GCFC2: variants seen among roughly 807,000 people sequenced by gnomAD.
The protein encoded by GCFC2 is GC-rich sequence DNA-binding factor 2.
GCFC2 carries 102 observed loss-of-function variants against 99.4 expected under a neutral mutation model. The observed-to-expected ratio is 1.03, with a 90% confidence interval of 0.87 to 1.21. GCFC2 has a LOEUF of 1.21. GCFC2 is among the 50% of genes most tolerant of loss of function. The probability of loss-of-function intolerance (pLI) is 0.00; values close to 1 mark genes in which losing one functional copy is unlikely to be tolerated. For missense variants in GCFC2, 973 were observed against 920.9 expected (o/e 1.06, Z -0.73); for synonymous variants, 338 against 316.8 (o/e 1.07, Z -0.71).
intron 11 of GCFC2, among the ~76,000 whole-genome samples, chr2:75,681,405 C>T (rs1679570326): frequency 6.7e-6 from 1 of 149,742 alleles, no homozygotes; most frequent in South Asian, 2.1e-4. Flanking sequence ...AGCCCAGATA[C>T]TGTGTTTTTC....
chr2:75,690,376 TAATTAGG>T (rs1256900112), intron 8 of GCFC2: 1 of 503,476 alleles, frequency 2.0e-6, no homozygotes, highest in Non-Finnish European at 3.5e-6. Context: ...GGGGTAATTA[TAATTAGG>T]ACCGGTTTCT....
chr2:75,687,945 C>G lies in GCFC2; in HGVS notation c.1572G>C (p.Trp524Cys). The change falls in exon 11 of 17, where the codon TGG (tryptophan) becomes TGC (cysteine). Residue 524 changes from tryptophan (W) to cysteine (C), a missense_variant. Trp to Cys is a radical substitution (Grantham distance 215, BLOSUM62 -2). Coordinates refer to ENST00000321027, the MANE Select transcript of GCFC2 (RefSeq NM_003203.5). ...LESTGLKEMP[W>C]FKSVEEFMDS... ...CCATAAATTCTTCTACAGATTTGAA[C>G]CATGGCATCTCTTTTAAACCTGTGG... The G allele has an allele frequency of 1.9e-6, 3 of 1,599,082 alleles. No individual in the cohort carries two copies. The highest frequency in any genetic ancestry group is 2.6e-6 in the Non-Finnish European group (3 of 1,171,818).
At position 75,710,723 on chromosome 2, in the gene GCFC2, G is replaced by T; in HGVS notation, c.133C>A (p.Pro45Thr). 2 of 1,553,634 alleles carry T rather than the reference G, an allele frequency of 1.3e-6. No individual in the cohort carries two copies. Among genetic ancestry groups the T allele is most frequent in the Non-Finnish European group, 8.7e-7 (1 of 1,154,408 alleles). The change falls in exon 1 of 17, where the codon CCG becomes ACG. Residue 45 changes from proline to threonine, a missense_variant. Pro to Thr is a conservative substitution (Grantham distance 38). Coordinates refer to ENST00000321027, the MANE Select transcript of GCFC2 (RefSeq NM_003203.5). ...LPVPGSAEEE[P>T]PSGGGRAQVA... The stretch of plus-strand genomic sequence containing the variant: ...TGCGCGCGGCCTCCTCCAGAGGGCG[G>T]CTCTTCCTCCGCAGAACCCGGGACC...
At position 75,710,790 on chromosome 2, in the gene GCFC2, G is replaced by A. The variant is rs776634695; in HGVS notation, c.66C>T (p.Ala22=). The A allele has an allele frequency of 1.0e-4, 160 of 1,576,874 alleles. No individual in the cohort carries two copies. Among genetic ancestry groups the A allele is most frequent in the Non-Finnish European group, 1.3e-4 (150 of 1,167,312 alleles). The change falls in exon 1 of 17, where the codon GCC becomes GCT. Residue 22 remains alanine, a synonymous_variant. Transcript: ENST00000321027. ...CCCCAGGCTCAGCAGGCGACTCCTC[G>A]GCGCCATCGCTGTCGCTGGAATCAG... ...RAADSSDSDG[A]EESPAEPGAP...
chr2:75,697,156 T>C (rs1370890121), intron 4 of GCFC2, among the ~76,000 whole-genome samples: 1 of 152,218 alleles, frequency 6.6e-6, no homozygotes, highest in East Asian at 1.9e-4. Flanking sequence ...TATAACATGG[T>C]ATGTTTCACA....
Position 75,689,979 on chromosome 2 carries a change from T to C in GCFC2, c.1329A>G (p.Gln443=), listed in dbSNP as rs1679989673. ...ELPSAEMIDF[Q]KSQGDILQKQ... ...AACTTGGTAACTGACCTTGGCTTTT[T>C]TGGAAGTCAATCATCTCTGCTGAAG... Residue 443 remains glutamine, a synonymous_variant, in exon 9 of 17, where the codon CAA becomes CAG. Coordinates refer to ENST00000321027, the MANE Select transcript of GCFC2 (RefSeq NM_003203.5). The C allele has an allele frequency of 2.5e-6, 4 of 1,579,006 alleles. No homozygotes were observed. The highest frequency in any genetic ancestry group is 3.5e-6 in the Non-Finnish European group (4 of 1,153,168).
Position 75,710,804 on chromosome 2 carries a change from C to T in GCFC2, c.52G>A (p.Asp18Asn), listed in dbSNP as rs976431787. ...TFRQRAADSS[D>N]SDGAEESPAE... is the part of the protein sequence containing the mutation. ...GGCGACTCCTCGGCGCCATCGCTGT[C>T]GCTGGAATCAGCCGCGCGCTGCCGA... The change falls in exon 1 of 17, where the codon GAC becomes AAC. Residue 18 changes from aspartate (D) to asparagine (N), a missense_variant. Transcript: ENST00000321027. 6.3e-7 allele frequency: 1 copy of T among 1,578,836 alleles called. No individual in the cohort carries two copies. Among genetic ancestry groups the T allele is most frequent in the Non-Finnish European group, 8.6e-7 (1 of 1,168,962 alleles).
upstream of GCFC2, chr2:75,710,920 GC>G: frequency 7.1e-7 from 1 of 1,403,898 alleles, no homozygotes; most frequent in Non-Finnish European, 9.2e-7. Context: ...TTCAGTGCCC[GC>G]CCCCTAGGGC....
At chr2:75,688,991 A>G (rs1186792314) in intron 10 of GCFC2, 35 bp downstream of exon 10, 2 of 1,136,546 alleles carry the variant, frequency 1.8e-6, no homozygotes, top group African/African-American at 3.1e-5. Flanking sequence ...AACTAATATA[A>G]TCAGGATAAT....
chr2:75,710,698 T>G lies in GCFC2; in HGVS notation c.158A>C (p.Gln53Pro). The change falls in exon 1 of 17, where the codon CAG becomes CCG. Residue 53 changes from glutamine to proline, a missense_variant. Gln to Pro is a moderately conservative substitution (Grantham distance 76, BLOSUM62 -1). Transcript: ENST00000321027. ...AACCCGGTGGGGCAGTCCCGCCACC[T>G]GCGCGCGGCCTCCTCCAGAGGGCGG... ...EEPPSGGGRA[Q>P]VAGLPHRVRG... is the part of the protein sequence containing the mutation. 2.0e-6 allele frequency: 3 copies of G among 1,531,742 alleles called. No individual in the cohort carries two copies. The highest frequency in any genetic ancestry group is 2.6e-6 in the Non-Finnish European group (3 of 1,144,356). 94.9% of individuals were successfully genotyped at this position (1,531,742 alleles called of 1,614,324 possible). A position where few individuals can be genotyped will look rare whatever the true frequency, so the allele number is the denominator to read the frequency against.
chr2:75,701,145 T>C (rs201789628), intron 4 of GCFC2, 45 bp downstream of exon 4: 81 of 1,029,980 alleles, frequency 7.9e-5, no homozygotes, highest in Admixed American at 1.6e-4. Flanking sequence ...TAATTTGTTA[T>C]AGCAGCCACA....
chr2:75,686,717 C>G (rs1679831533), intron 11 of GCFC2, among the ~76,000 whole-genome samples: 1 of 152,198 alleles, frequency 6.6e-6, no homozygotes, highest in Non-Finnish European at 1.5e-5. Flanking sequence ...GTACTCCAGT[C>G]TGGGTGACAG....
intron 9 of GCFC2, 128 bp downstream of exon 9, chr2:75,689,841 G>A (rs1356172376): frequency 1.7e-6 from 1 of 593,890 alleles, no homozygotes; most frequent in Non-Finnish European, 3.0e-6. Flanking sequence ...GGAAAAATGT[G>A]TTTCATTTTT....
intron 4 of GCFC2, among the ~76,000 whole-genome samples, chr2:75,700,403 T>C (rs767785148): frequency 2.6e-5 from 4 of 152,122 alleles, no homozygotes; most frequent in South Asian, 2.1e-4. Flanking sequence ...CATAATGAGA[T>C]TTAATATATA....
intron 15 of GCFC2, among the ~76,000 whole-genome samples, chr2:75,669,440 A>G (rs1361156839): frequency 6.6e-6 from 1 of 152,154 alleles, no homozygotes; most frequent in African/African-American, 2.4e-5. Flanking sequence ...ACTTTTTCTC[A>G]TAATTTCTTC....
chr2:75,686,745 AAAAC>A (rs1453921295), intron 11 of GCFC2, among the ~76,000 whole-genome samples: 1 of 152,122 alleles, frequency 6.6e-6, no homozygotes, highest in Non-Finnish European at 1.5e-5. Context: ...CCCTGTCTCA[AAAAC>A]AAACACACAA....
chr2:75,710,990 A>C (rs775683711), upstream of GCFC2: 3 of 1,345,466 alleles, frequency 2.2e-6, no homozygotes, highest in African/African-American at 1.6e-5. Context: ...CCTTCTGCTC[A>C]CCGCTACTCT....
chr2:75,694,476 G>A, intron 5 of GCFC2, 49 bp from the exon 6 acceptor site: 1 of 694,836 alleles, frequency 1.4e-6, no homozygotes, highest in Non-Finnish European at 2.2e-6. Flanking sequence ...TCTTTTAAAA[G>A]TAGCAATCTA....
intron 12 of GCFC2, among the ~76,000 whole-genome samples, chr2:75,678,781 C>T (rs1171073647): frequency 6.6e-6 from 1 of 152,210 alleles, no homozygotes; most frequent in Non-Finnish European, 1.5e-5. Context: ...CAGGGTTTTG[C>T]TGTTGCCCAG....
Sources: allele counts gnomAD v4.1 joint callset (sites outside exome capture counted in the v4.1 genomes callset), GRCh38; gene constraint gnomAD v4.1.1; transcripts MANE v1.5; gene names NCBI Gene and HGNC (gene_info 2026-07-23, HGNC 2026-07-21).